B3GLCT: variants seen among roughly 807,000 people sequenced by gnomAD.
The protein encoded by B3GLCT is beta-1,3-glucosyltransferase.
A neutral mutation model predicts 63.4 loss-of-function variants in B3GLCT; 65 were observed. That is an observed-to-expected ratio of 1.03 (90% CI 0.84 to 1.26). The LOEUF (loss-of-function observed/expected upper bound fraction) is 1.26. Among genes scored for constraint, B3GLCT ranks in the 50% most tolerant of loss-of-function variants. The pLI, the probability that B3GLCT is intolerant of heterozygous loss-of-function variation, is 0.00. For synonymous variants in B3GLCT, 233 were observed against 219.2 expected, an observed-to-expected ratio of 1.06 and a Z score of -0.55; for missense variants, 577 against 604.8, an observed-to-expected ratio of 0.95 and a Z score of 0.48.
At chr13:31,229,829 G>A (rs935777221) in intron 4 of B3GLCT, among the ~76,000 whole-genome samples, 30 of 147,242 alleles carry the variant, frequency 2.0e-4, no homozygotes, top group Admixed American at 2.7e-4. Flanking sequence ...TTGTGTGTGT[G>A]TATATATATA....
At chr13:31,231,753 TA>T (rs777532062) in intron 4 of B3GLCT, among the ~76,000 whole-genome samples, 13 of 152,180 alleles carry the variant, frequency 8.5e-5, no homozygotes, top group Non-Finnish European at 1.8e-4. Context: ...ATAGAAATTA[TA>T]AAGTATTCCT....
At chr13:31,254,464 C>T (rs1871616062) in intron 6 of B3GLCT, among the ~76,000 whole-genome samples, 1 of 152,124 alleles carries the variant, frequency 6.6e-6, no homozygotes, top group Non-Finnish European at 1.5e-5. Context: ...ATTCAACAGC[C>T]CTTCATGCTA....
intron 4 of B3GLCT, among the ~76,000 whole-genome samples, chr13:31,235,423 G>T (rs1475041588): frequency 2.0e-5 from 3 of 152,214 alleles, no homozygotes; most frequent in African/African-American, 7.2e-5. Context: ...GAAGACCAGT[G>T]TCTAGGGGCT....
chr13:31,206,909 C>G (rs1206829296), intron 1 of B3GLCT, among the ~76,000 whole-genome samples: 1 of 152,130 alleles, frequency 6.6e-6, no homozygotes, highest in African/African-American at 2.4e-5. Flanking sequence ...GTCTCAGGCT[C>G]CAGGATCATT....
Position 31,215,031 on chromosome 13 carries a change from T to C in B3GLCT, c.71-20T>C. 1 of 1,474,830 alleles carries C rather than the reference T, an allele frequency of 6.8e-7. No homozygotes were observed. The highest frequency in any genetic ancestry group is 2.5e-5 in the East Asian group (1 of 40,266). The allele number at this position is 1,474,830 out of a possible 1,614,324, so 91.4% of individuals were successfully genotyped here. On this transcript the variant is annotated intron_variant, in intron 1 of 14. Coordinates refer to ENST00000343307, the MANE Select transcript of B3GLCT (RefSeq NM_194318.4). The stretch of plus-strand genomic sequence containing the variant: ...TTGCTAATTCTAAGGTAGAAATATT[T>C]CTTTTTTTTTTTTTTCCAGCTTTTG...
At chr13:31,293,899 T>C (rs1332120032) in intron 12 of B3GLCT, among the ~76,000 whole-genome samples, 1 of 152,190 alleles carries the variant, frequency 6.6e-6, no homozygotes, top group Non-Finnish European at 1.5e-5. Context: ...TTCTTCATAG[T>C]GTCGAAGGTC....
At chr13:31,284,203 A>T (rs1264526949) in intron 10 of B3GLCT, among the ~76,000 whole-genome samples, 1 of 152,230 alleles carries the variant, frequency 6.6e-6, no homozygotes, top group African/African-American at 2.4e-5. Flanking sequence ...TCATTTGGCA[A>T]GGTCATGCCC....
In B3GLCT at chr13:31,290,706, T is replaced by G. The variant is rs541379799; in HGVS notation, c.1064+3887T>G. 1.2e-4 allele frequency among the ~76,000 whole-genome samples: 18 copies of G among 152,320 alleles called. 1 individual carries two copies. The South Asian group carries it at 3.5e-3, about 30-fold the overall frequency. ...TCCTTTGTCCACTTTTTGATGGGGT[T>G]GTTTGTATTTTTCTTGTAAATTTGT... On this transcript the variant is annotated intron_variant, in intron 12 of 14. Coordinates refer to ENST00000343307, the MANE Select transcript of B3GLCT (RefSeq NM_194318.4).
At chr13:31,267,137 G>C (rs532652390) in intron 7 of B3GLCT, among the ~76,000 whole-genome samples, 155 of 152,346 alleles carry the variant, frequency 1.0e-3, no homozygotes, top group African/African-American at 3.6e-3. Context: ...TTCAAGGATT[G>C]AATGAGAAAG....
chr13:31,284,630 C>G lies in B3GLCT; in HGVS notation c.851-18C>G, dbSNP rs774275342. 2.2e-6 allele frequency: 3 copies of G among 1,368,562 alleles called. No homozygotes were observed. The South Asian group carries it at 3.5e-5, about 16-fold the overall frequency. 84.8% of individuals were successfully genotyped at this position (1,368,562 alleles called of 1,614,324 possible). On this transcript the variant is annotated intron_variant, in intron 10 of 14. Transcript: ENST00000343307. Reference sequence around the variant, plus strand: ...TGTGTAACTGTGCCAGTGATTGTCACCTCTGTAATTTTTTCAGTACCTATT... The same window carrying G: ...TGTGTAACTGTGCCAGTGATTGTCAGCTCTGTAATTTTTTCAGTACCTATT...
intron 11 of B3GLCT, among the ~76,000 whole-genome samples, 176 bp downstream of exon 11, chr13:31,284,937 G>A (rs776123474): frequency 3.3e-5 from 5 of 152,136 alleles, no homozygotes; most frequent in African/African-American, 7.2e-5. Context: ...TTTATAGTAC[G>A]AAGTGTTGCA....
intron 14 of B3GLCT, among the ~76,000 whole-genome samples, chr13:31,326,275 CTTTTTTTTTTTTT>C (rs11415456): frequency 2.6e-5 from 2 of 75,912 alleles, no homozygotes; most frequent in South Asian, 6.2e-4. Flanking sequence ...AGGTCTTTCC[CTTTTTTTTTTTTT>C]TTTTTTTTTT....
At chr13:31,245,517 TTGGAATC>T (rs1871157476) in intron 4 of B3GLCT, among the ~76,000 whole-genome samples, 1 of 152,204 alleles carries the variant, frequency 6.6e-6, no homozygotes, top group Admixed American at 6.5e-5. Flanking sequence ...TGTTTTATTC[TTGGAATC>T]ATGTCTGGTT....
intron 12 of B3GLCT, among the ~76,000 whole-genome samples, chr13:31,294,779 G>A (rs1400211089): frequency 6.6e-6 from 1 of 152,110 alleles, no homozygotes; most frequent in Non-Finnish European, 1.5e-5. Flanking sequence ...GGAGGAGTTT[G>A]TTATTACCCA....
chr13:31,266,030 C>T (rs375998362), intron 7 of B3GLCT, among the ~76,000 whole-genome samples: 8 of 151,802 alleles, frequency 5.3e-5, no homozygotes, highest in South Asian at 4.2e-4. Flanking sequence ...AACGGAGTCT[C>T]GCTCTGTCGC....
chr13:31,240,181 T>C (rs12428887), intron 4 of B3GLCT, among the ~76,000 whole-genome samples: 27,215 of 152,094 alleles, frequency 0.18, 2,617 homozygotes, highest in Non-Finnish European at 0.2. Flanking sequence ...GGTTTCATTA[T>C]TGGGGGCAGA....
chr13:31,251,310 C>T (rs1301532294), intron 6 of B3GLCT, among the ~76,000 whole-genome samples: 2 of 152,192 alleles, frequency 1.3e-5, no homozygotes, highest in Admixed American at 6.5e-5. Context: ...ACCTCTTCTC[C>T]TTCAAAGGAT....
chr13:31,331,776 C>A lies in B3GLCT; in HGVS notation c.*2108C>A, dbSNP rs1875940633. 1 of 152,212 alleles carries A rather than the reference C, an allele frequency of 6.6e-6. No individual in the cohort carries two copies. The highest frequency in any genetic ancestry group is 1.5e-5 in the Non-Finnish European group (1 of 68,042). The allele number at this position is 152,212 out of a possible 1,614,324, so 9.4% of individuals were successfully genotyped here. ...ATGTTATTTTAGAATCGATTCCCAT[C>A]TAAAGAACTCAATTTTGAGTCTGAC... is the stretch of plus-strand genomic sequence containing the variant. On this transcript the variant is annotated 3_prime_UTR_variant, in exon 15 of 15. Transcript: ENST00000343307.
chr13:31,256,147 A>G (rs1370191054), intron 6 of B3GLCT, among the ~76,000 whole-genome samples: 1 of 152,248 alleles, frequency 6.6e-6, no homozygotes, highest in Non-Finnish European at 1.5e-5. Context: ...GACAATTCTC[A>G]AGACATTTAT....
Sources: gnomAD v4.1 joint callset for allele counts (sites outside exome capture counted in the v4.1 genomes callset) on GRCh38, gnomAD v4.1.1 for gene constraint, MANE v1.5 for transcripts, NCBI Gene and HGNC (gene_info 2026-07-23, HGNC 2026-07-21) for gene names.